Variants in ICA1 observed in about 807,000 individuals in gnomAD.
ICA1 encodes islet cell autoantigen 1, also known as 69 kDa islet cell autoantigen.
ICA1 carries 40 observed loss-of-function variants against 71.0 expected under a neutral mutation model. The ratio of observed to expected loss-of-function variants is 0.56; its 90% CI spans 0.44 to 0.73. The LOEUF is 0.73. Ranked by LOEUF, ICA1 falls within the 30% of genes least tolerant of loss-of-function variation. The pLI is 0.00. For synonymous variants in ICA1, 207 were observed against 209.5 expected (o/e 0.99, Z 0.10); for missense variants, 578 against 576.5 (o/e 1.00, Z -0.03).
In ICA1 at chr7:8,173,767, ATTAC is replaced by A. The variant is rs1779599132; in HGVS notation, c.580-15119_580-15116del. On this transcript the variant is annotated intron_variant, in intron 6 of 13. Transcript: ENST00000402384. This position sits in a 1 kb window ranked among gnomAD's most constrained non-coding sequence, Gnocchi z 4.0. Reference sequence around the variant, plus strand: ...TCCAGGTTTTAATTTTCCTGACACCATTACTTACTTCTTAATTCCTTTCTTCCCT... The same window carrying A: ...TCCAGGTTTTAATTTTCCTGACACCATTACTTCTTAATTCCTTTCTTCCCT... Among the ~76,000 whole-genome samples the A allele has an allele frequency of 6.6e-6, 1 of 151,798 alleles. No individual in the cohort carries two copies. The highest frequency in any genetic ancestry group is 1.9e-4 in the East Asian group (1 of 5,162).
chr7:8,184,395 G>A (rs1435135051), intron 6 of ICA1, among the ~76,000 whole-genome samples: 1 of 152,198 alleles, frequency 6.6e-6, no homozygotes, highest in Non-Finnish European at 1.5e-5. Context: ...AAGACGCAAT[G>A]TGCTCAACAG....
At chr7:8,151,085 G>T (rs1584580055) in intron 8 of ICA1, among the ~76,000 whole-genome samples, 5 of 152,340 alleles carry the variant, frequency 3.3e-5, no homozygotes, top group Admixed American at 6.5e-5. Context: ...GCTGAACCTA[G>T]CAGTACTATT....
intron 6 of ICA1, among the ~76,000 whole-genome samples, chr7:8,175,300 G>A (rs552747737): frequency 7.2e-5 from 11 of 152,150 alleles, no homozygotes; most frequent in African/African-American, 2.2e-4. Context: ...TGGCTAAGAC[G>A]GTTAATCATC....
At chr7:8,231,186 G>C (rs919984004) in intron 3 of ICA1, among the ~76,000 whole-genome samples, 2 of 152,162 alleles carry the variant, frequency 1.3e-5, no homozygotes, top group African/African-American at 4.8e-5. Flanking sequence ...ACAGTGTCCA[G>C]GTGGAAGCCA....
intron 6 of ICA1, among the ~76,000 whole-genome samples, chr7:8,174,771 A>AAAAAAAAACAAAAAACAAAAAACC (rs1554310917): frequency 9.4e-6 from 1 of 106,038 alleles, no homozygotes; most frequent in Non-Finnish European, 2.0e-5. Context: ...AAAAAAAAAA[A>AAAAAAAAACAAAAAACAAAAAACC]AAAAAAAACA....
chr7:8,235,099 G>C lies in ICA1; in HGVS notation c.17+811C>G, dbSNP rs182234765. 2.5e-3 allele frequency among the ~76,000 whole-genome samples: 376 copies of C among 152,214 alleles called. 1 individual carries two copies. The highest frequency in any genetic ancestry group is 3.9e-3 in the Admixed American group (60 of 15,284). On this transcript the variant is annotated intron_variant, in intron 2 of 13. Transcript: ENST00000402384. ...GAATCACTTGAACCAGGGAGGCGGAGGTTGCAGTGAGCTGAGATTGCACCA... is the reference window on the plus strand; with the variant it reads ...GAATCACTTGAACCAGGGAGGCGGACGTTGCAGTGAGCTGAGATTGCACCA...
At chr7:8,252,784 T>A (rs1195829070) in intron 1 of ICA1, among the ~76,000 whole-genome samples, 1 of 151,718 alleles carries the variant, frequency 6.6e-6, no homozygotes, top group Non-Finnish European at 1.5e-5. Context: ...TTTTTGCTTA[T>A]TTATTACTTT....
At chr7:8,157,282 G>A in intron 7 of ICA1, 68 bp from the exon 8 acceptor site, 1 of 1,383,292 alleles carries the variant, frequency 7.2e-7, no homozygotes, top group Non-Finnish European at 9.9e-7. Flanking sequence ...CCCCAGGGAA[G>A]TATGACTCTC....
intron 6 of ICA1, among the ~76,000 whole-genome samples, chr7:8,168,163 T>G (rs1806863425): frequency 6.6e-6 from 1 of 152,106 alleles, no homozygotes; most frequent in Non-Finnish European, 1.5e-5. Context: ...TCAAGAGGAA[T>G]TTCTGTTTTG....
At chr7:8,221,435 G>T in intron 4 of ICA1, 37 bp from the exon 5 acceptor site, 1 of 1,609,488 alleles carries the variant, frequency 6.2e-7, no homozygotes, top group South Asian at 1.1e-5. Flanking sequence ...CATGAACAAT[G>T]AGCATTTTGA....
At chr7:8,258,466 CA>C (rs1811018913) in intron 1 of ICA1, among the ~76,000 whole-genome samples, 2 of 152,222 alleles carry the variant, frequency 1.3e-5, no homozygotes, top group African/African-American at 4.8e-5. Flanking sequence ...TACACTGGGA[CA>C]AGGAGTTACC....
At chr7:8,172,941 T>G (rs747855103) in intron 6 of ICA1, among the ~76,000 whole-genome samples, 5 of 152,226 alleles carry the variant, frequency 3.3e-5, no homozygotes, top group South Asian at 2.1e-4. Context: ...TTTCATAGAT[T>G]GAGCTTCAAT....
intron 6 of ICA1, among the ~76,000 whole-genome samples, chr7:8,183,070 A>C (rs919123374): frequency 2.0e-5 from 3 of 152,246 alleles, no homozygotes; most frequent in African/African-American, 7.2e-5. Context: ...CCAGAATAAC[A>C]GACAAGAAAT....
chr7:8,182,509 G>A (rs1261618040), intron 6 of ICA1, among the ~76,000 whole-genome samples: 4 of 152,190 alleles, frequency 2.6e-5, no homozygotes, highest in African/African-American at 9.7e-5. Context: ...AGTCATTAAA[G>A]TCATTAAACC....
At chr7:8,193,103 T>C (rs1233045671) in intron 6 of ICA1, among the ~76,000 whole-genome samples, 1 of 152,228 alleles carries the variant, frequency 6.6e-6, no homozygotes, top group Non-Finnish European at 1.5e-5. Flanking sequence ...TGCTTCAAGG[T>C]CATCTCAGAG....
intron 5 of ICA1, among the ~76,000 whole-genome samples, chr7:8,219,980 C>A (rs1209404179): frequency 6.6e-6 from 1 of 152,024 alleles, no homozygotes; most frequent in African/African-American, 2.4e-5. Context: ...GGAAAAGGTC[C>A]TATATGCACA....
chr7:8,238,157 A>T (rs1802488760), intron 1 of ICA1, among the ~76,000 whole-genome samples: 1 of 152,182 alleles, frequency 6.6e-6, no homozygotes, highest in Non-Finnish European at 1.5e-5. Flanking sequence ...CTTTTGCACA[A>T]ATACACAGAA....
intron 1 of ICA1, among the ~76,000 whole-genome samples, chr7:8,258,548 A>C (rs912939107): frequency 6.6e-6 from 1 of 152,206 alleles, no homozygotes; most frequent in African/African-American, 2.4e-5. Context: ...GTATCCTCGC[A>C]ATACGGCCAA....
chr7:8,120,063 AG>A (rs1480984539), intron 13 of ICA1, among the ~76,000 whole-genome samples: 1 of 152,214 alleles, frequency 6.6e-6, no homozygotes, highest in Non-Finnish European at 1.5e-5. Flanking sequence ...TCTCTGCAGC[AG>A]AAGACATGAA....
Sources: gnomAD v4.1 joint callset for allele counts (sites outside exome capture counted in the v4.1 genomes callset) on GRCh38, gnomAD v4.1.1 for gene constraint, Gnocchi (gnomAD v3.1) non-coding constraint, MANE v1.5 for transcripts, NCBI Gene and HGNC (gene_info 2026-07-23, HGNC 2026-07-21) for gene names.